SALL2: variants seen among roughly 807,000 people sequenced by gnomAD.
The protein encoded by SALL2 is sal-like protein 2.
Under a neutral mutation model 58.5 loss-of-function variants are expected in SALL2, and 32 were observed. That is an observed-to-expected ratio of 0.55 (90% CI 0.41 to 0.74). The LOEUF (loss-of-function observed/expected upper bound fraction) is 0.74, where lower values mean the gene tolerates loss of function less well. Ranked by LOEUF, SALL2 falls within the 30% of genes least tolerant of loss-of-function variation. The pLI, the probability that SALL2 is intolerant of heterozygous loss-of-function variation, is 0.00. For synonymous variants in SALL2, 516 were observed against 513.6 expected (o/e 1.00, Z -0.06); for missense variants, 1,201 against 1,268.9 (o/e 0.95, Z 0.81).
intron 1 of SALL2, among the ~76,000 whole-genome samples, chr14:21,532,308 A>G (rs34434981): frequency 0.7 from 106,272 of 151,592 alleles, 38,413 homozygotes; most frequent in African/African-American, 0.87. Flanking sequence ...TAACAGGGCT[A>G]AGGGAATGGG....
chr14:21,537,078 A>C (rs1252326132), exon 1 of SALL2: 1 of 637,938 alleles, frequency 1.6e-6, no homozygotes, highest in Non-Finnish European at 2.9e-6. Flanking sequence ...CCAGAGACAC[A>C]GACTCTCTCT....
rs754523435 is a variant in SALL2 at position 21,525,429 on chromosome 14, G to A, written c.293C>T (p.Pro98Leu). The change falls in exon 2 of 2, where the codon CCA becomes CTA. Residue 98 changes from proline (P) to leucine (L), a missense_variant. Physicochemically the swap from Pro to Leu is moderately conservative, Grantham distance 98. Coordinates refer to ENST00000537235, the MANE Select transcript of SALL2 (RefSeq NM_001364564.1). This position sits in a 1 kb window ranked among gnomAD's most constrained non-coding sequence, Gnocchi z 4.4. ...CGTGGGCACGGAGGACCCAGAATCTGGGGGGTTGCTATGCTCTGTGTCCAT... is the reference window on the plus strand; with the variant it reads ...CGTGGGCACGGAGGACCCAGAATCTAGGGGGTTGCTATGCTCTGTGTCCAT... ...QVMDTEHSNP[P>L]DSGSSVPTDP... is the part of the protein sequence containing the mutation. 6.2e-7 allele frequency: 1 copy of A among 1,613,926 alleles called. No individual in the cohort carries two copies. The highest frequency in any genetic ancestry group is 8.5e-7 in the Non-Finnish European group (1 of 1,179,880).
rs141179543 is a variant in SALL2 at position 21,523,917 on chromosome 14, G to C, written c.1805C>G (p.Ala602Gly). Residue 602 changes from alanine (A) to glycine (G), a missense_variant, in exon 2 of 2, where the codon GCT becomes GGT. Ala to Gly is a moderately conservative substitution (Grantham distance 60). Around this residue, in one of 3 missense-constraint regions of SALL2, gnomAD observed 675 missense variants for 683.8 expected, o/e 0.99. Coordinates refer to ENST00000537235, the MANE Select transcript of SALL2 (RefSeq NM_001364564.1). The surrounding 1 kb of genome is among the most constrained non-coding windows in gnomAD (Gnocchi z 4.4). ...QLVEKIDRQGAVAVTSAASGA... is the reference protein window; with the variant it reads ...QLVEKIDRQGGVAVTSAASGA... ...TGAGGCAGCTGAGGTCACCGCCACAGCTCCTTGCCGGTCAATCTTTTCTAC... is the reference window on the plus strand; with the variant it reads ...TGAGGCAGCTGAGGTCACCGCCACACCTCCTTGCCGGTCAATCTTTTCTAC... The C allele has an allele frequency of 4.3e-5, 70 of 1,614,102 alleles. No individual in the cohort carries two copies. Among genetic ancestry groups the C allele is most frequent in the Non-Finnish European group, 5.8e-5 (68 of 1,180,054 alleles).
upstream of SALL2, among the ~76,000 whole-genome samples, chr14:21,530,760 C>T (rs1892440855): frequency 6.6e-6 from 1 of 152,140 alleles, no homozygotes; most frequent in Non-Finnish European, 1.5e-5. Flanking sequence ...CAGGCATGCA[C>T]AATCATGCCC....
chr14:21,531,873 G>A (rs1892475226), intron 1 of SALL2, among the ~76,000 whole-genome samples: 1 of 152,026 alleles, frequency 6.6e-6, no homozygotes, highest in Non-Finnish European at 1.5e-5. Flanking sequence ...GGGATTACAG[G>A]TGTGCGCCAT....
intron 1 of SALL2, among the ~76,000 whole-genome samples, chr14:21,532,604 C>T (rs971682286): frequency 2.0e-5 from 3 of 151,762 alleles, no homozygotes; most frequent in Admixed American, 2.0e-4. Context: ...CGTGCCACTG[C>T]ACTCCAGCCT....
chr14:21,522,581 G>A lies in SALL2; in HGVS notation c.*123C>T. 1 of 1,426,058 alleles carries A rather than the reference G, an allele frequency of 7.0e-7. No individual in the cohort carries two copies. 88.3% of individuals were successfully genotyped at this position (1,426,058 alleles called of 1,614,324 possible). On this transcript the variant is annotated 3_prime_UTR_variant, in exon 2 of 2. Transcript: ENST00000537235. ...CTCAGGGACTACAGAAAAGCCACTA[G>A]GGACATAACATGTTAAGAACTTAGA...
upstream of SALL2, among the ~76,000 whole-genome samples, chr14:21,527,856 A>T (rs1218929784): frequency 7.3e-6 from 1 of 137,008 alleles, no homozygotes; most frequent in Admixed American, 7.4e-5. Context: ...CCATTACTTT[A>T]AAAAAAAAAA....
In SALL2 at chr14:21,525,498, G is replaced by C. The variant is rs893807764; in HGVS notation, c.224C>G (p.Ala75Gly). The change falls in exon 2 of 2, where the codon GCC becomes GGC. Residue 75 changes from alanine (A) to glycine (G), a missense_variant. Physicochemically the swap from Ala to Gly is moderately conservative, Grantham distance 60. This residue lies in a region of SALL2 where 467 missense variants were observed against 468.9 expected (regional missense o/e 1.00). Coordinates refer to ENST00000537235, the MANE Select transcript of SALL2 (RefSeq NM_001364564.1). The surrounding 1 kb of genome is among the most constrained non-coding windows in gnomAD (Gnocchi z 4.4). ...GGQENPNNSSASSEPRPEGHN... is the reference protein window; with the variant it reads ...GGQENPNNSSGSSEPRPEGHN... ...ACCCTCAGGCCGGGGTTCAGAGGAGGCCGAAGAGTTGTTGGGGTTCTCCTG... is the reference window on the plus strand; with the variant it reads ...ACCCTCAGGCCGGGGTTCAGAGGAGCCCGAAGAGTTGTTGGGGTTCTCCTG... 6.2e-7 allele frequency: 1 copy of C among 1,613,892 alleles called. No individual in the cohort carries two copies. The highest frequency in any genetic ancestry group is 8.5e-7 in the Non-Finnish European group (1 of 1,179,972).
rs888293297 is a variant in SALL2, at chr14:21,524,351, C to T, written c.1371G>A (p.Glu457=). Residue 457 remains glutamate (E), a synonymous_variant, in exon 2 of 2, where the codon GAG becomes GAA. Transcript: ENST00000537235. ...GAGTGGCTGCCTCCTCCTCGGCCTT[C>T]TCTGGTGGCACGGACATACCATAAG... ...GLPYGMSVPP[E]KAEEEAATPG... is the part of the protein sequence containing the mutation. 1 of 1,614,140 alleles carries T rather than the reference C, an allele frequency of 6.2e-7. No homozygotes were observed. The highest frequency in any genetic ancestry group is 8.5e-7 in the Non-Finnish European group (1 of 1,180,024).
In SALL2 at chr14:21,522,705, C is replaced by G. The variant is rs991863639; in HGVS notation, c.3017G>C (p.Ter1006SerextTer28). 12 of 1,518,104 alleles carry G rather than the reference C, an allele frequency of 7.9e-6. 1 individual carries two copies. The highest frequency in any genetic ancestry group is 1.8e-4 in the Middle Eastern group (1 of 5,604). The allele number at this position is 1,518,104 out of a possible 1,614,324, so 94.0% of individuals were successfully genotyped here. A position where few individuals can be genotyped will look rare whatever the true frequency, so the allele number is the denominator to read the frequency against. The change falls in exon 2 of 2, where the codon TGA becomes TCA. Residue 1006 changes from the stop codon to serine (S), a stop_lost. Coordinates refer to ENST00000537235, the MANE Select transcript of SALL2 (RefSeq NM_001364564.1). ...FPRKDDPTIP[*>S] ...AGCAGCAGGTACAGAAAAACAGGCT[C>G]ATGGGATCGTGGGGTCATCTTTTCG...
intron 1 of SALL2, among the ~76,000 whole-genome samples, chr14:21,534,284 C>T (rs575676982): frequency 6.6e-6 from 1 of 152,310 alleles, no homozygotes; most frequent in African/African-American, 2.4e-5. Flanking sequence ...GGATCTTTCA[C>T]TCCAGGGGAA....
chr14:21,536,779 C>T, intron 1 of SALL2: 4 of 1,325,710 alleles, frequency 3.0e-6, no homozygotes, highest in South Asian at 1.2e-5. Flanking sequence ...GCCCGAGTGC[C>T]CTCCCCTTGC....
chr14:21,523,521 C>A lies in SALL2; in HGVS notation c.2201G>T (p.Gly734Val). 1 of 1,614,190 alleles carries A rather than the reference C, an allele frequency of 6.2e-7. No homozygotes were observed. Among genetic ancestry groups the A allele is most frequent in the South Asian group, 1.1e-5 (1 of 91,084 alleles). ...CCCGGAGACTGTAGATTGCTCGGAG[C>A]CATTCTCCTGAGCAGCTCCTCCACC... Reference protein sequence around the residue: ...PEGGGAAQENGSEQSTVSGAR... With the variant: ...PEGGGAAQENVSEQSTVSGAR... Residue 734 changes from glycine to valine, a missense_variant, in exon 2 of 2, where the codon GGC becomes GTC. Gly to Val is a moderately radical substitution (Grantham distance 109). Transcript: ENST00000537235. The surrounding 1 kb of genome is among the most constrained non-coding windows in gnomAD (Gnocchi z 4.4).
chr14:21,527,525 TC>T (rs971327967), upstream of SALL2, among the ~76,000 whole-genome samples: 1 of 152,190 alleles, frequency 6.6e-6, no homozygotes, highest in African/African-American at 2.4e-5. Context: ...ATTGTTTTAA[TC>T]CCAGTTCTAT....
rs1892066768 is a variant in SALL2 at position 21,522,264 on chromosome 14, A to T, written c.*440T>A. ...CTGGTTCTAGAAAGATAGGGGACCC[A>T]TACCCACCAGCTGAGCAGAAAGGTC... is the stretch of plus-strand genomic sequence containing the variant. On this transcript the variant is annotated 3_prime_UTR_variant, in exon 2 of 2. Coordinates refer to ENST00000537235, the MANE Select transcript of SALL2 (RefSeq NM_001364564.1). 2 of 1,570,612 alleles carry T rather than the reference A, an allele frequency of 1.3e-6. No individual in the cohort carries two copies. Among genetic ancestry groups the T allele is most frequent in the Non-Finnish European group, 1.7e-6 (2 of 1,164,486 alleles).
rs946710939 is a variant in SALL2 at position 21,525,803 on chromosome 14, C to T, written c.68-149G>A. The T allele has an allele frequency of 2.4e-6, 2 of 822,704 alleles. No homozygotes were observed. Among genetic ancestry groups the T allele is most frequent in the East Asian group, 3.2e-5 (1 of 31,416 alleles). 51.0% of individuals were successfully genotyped at this position (822,704 alleles called of 1,614,324 possible). A position where few individuals can be genotyped will look rare whatever the true frequency, so the allele number is the denominator to read the frequency against. On this transcript the variant is annotated intron_variant, in intron 1 of 1. Transcript: ENST00000537235. This position sits in a 1 kb window ranked among gnomAD's most constrained non-coding sequence, Gnocchi z 4.4. ...CCATGCAGAAGTCTAGAGCTCAGGC[C>T]TGATCCGTGTGGACAGGAGACAACC...
rs138614234 is a variant in SALL2 at position 21,523,117 on chromosome 14, T to C, written c.2605A>G (p.Arg869Gly). The C allele has an allele frequency of 1.2e-6, 2 of 1,614,200 alleles. No homozygotes were observed. The highest frequency in any genetic ancestry group is 1.3e-5 in the African/African-American group (1 of 75,052). Reference protein sequence around the residue: ...GGKEEGGKPERSSSPASALTP... With the variant: ...GGKEEGGKPEGSSSPASALTP... ...AGTGCTGATGCCGGACTTGAGCTTC[T>C]CTCCGGTTTGCCCCCCTCTTCCTTG... The change falls in exon 2 of 2, where the codon AGA (arginine) becomes GGA (glycine). Residue 869 changes from arginine to glycine, a missense_variant. Around this residue, in one of 3 missense-constraint regions of SALL2, gnomAD observed 675 missense variants for 683.8 expected, o/e 0.99. Coordinates refer to ENST00000537235, the MANE Select transcript of SALL2 (RefSeq NM_001364564.1). The surrounding 1 kb of genome is among the most constrained non-coding windows in gnomAD (Gnocchi z 4.4).
chr14:21,527,558 G>A (rs1240375431), upstream of SALL2, among the ~76,000 whole-genome samples: 1 of 152,166 alleles, frequency 6.6e-6, no homozygotes, highest in African/African-American at 2.4e-5. Context: ...TGATAAAACT[G>A]AGACATGGTG....
Sources: allele counts gnomAD v4.1 joint callset (sites outside exome capture counted in the v4.1 genomes callset), GRCh38; gene constraint gnomAD v4.1.1; regional missense constraint gnomAD v4.1.1; non-coding constraint Gnocchi (gnomAD v3.1); transcripts MANE v1.5; gene names NCBI Gene and HGNC (gene_info 2026-07-23, HGNC 2026-07-21).